Variants in BTBD9 observed in about 807,000 individuals in gnomAD.
BTBD9 encodes the protein BTB/POZ domain-containing protein 9.
In BTBD9, 49 loss-of-function variants were observed where a neutral mutation model predicts 64.3. The observed-to-expected ratio is 0.76, with a 90% CI of 0.61 to 0.97. The LOEUF is 0.97. Among genes scored for constraint, BTBD9 ranks in the 50% least tolerant of loss-of-function variants. The pLI is 0.00. For missense variants in BTBD9, 598 were observed against 762.1 expected (o/e 0.78, Z 2.53); for synonymous variants, 260 against 274.7 (o/e 0.95, Z 0.53).
intron 8 of BTBD9, among the ~76,000 whole-genome samples, chr6:38,284,822 T>C (rs1277587219): frequency 1.3e-5 from 2 of 151,570 alleles, no homozygotes; most frequent in African/African-American, 2.4e-5. Flanking sequence ...AAAGGGGGAA[T>C]AAAAAAAGAG....
intron 6 of BTBD9, among the ~76,000 whole-genome samples, chr6:38,354,917 AAGAGAGAG>A (rs150257577): frequency 6.7e-6 from 1 of 148,624 alleles, no homozygotes; most frequent in Non-Finnish European, 1.5e-5. Context: ...GACAGAGAGA[AAGAGAGAG>A]AGAGAGAGAG....
chr6:38,257,242 T>G (rs1764623653), intron 8 of BTBD9, among the ~76,000 whole-genome samples: 1 of 151,606 alleles, frequency 6.6e-6, no homozygotes, highest in Non-Finnish European at 1.5e-5. Context: ...TTCACCCTGC[T>G]GCCCAGACTG....
intron 6 of BTBD9, among the ~76,000 whole-genome samples, chr6:38,483,082 C>A (rs1297970138): frequency 6.6e-6 from 1 of 152,064 alleles, no homozygotes; most frequent in Non-Finnish European, 1.5e-5. Flanking sequence ...CCAGTCCACA[C>A]ACACACATAC....
Position 38,577,706 on chromosome 6 carries a change from A to C in BTBD9, c.1048T>G (p.Phe350Val). 1 of 1,608,120 alleles carries C rather than the reference A, an allele frequency of 6.2e-7. No individual in the cohort carries two copies. The highest frequency in any genetic ancestry group is 8.5e-7 in the Non-Finnish European group (1 of 1,179,238). The change falls in exon 6 of 11, where the codon TTC (phenylalanine) becomes GTC (valine). Residue 350 changes from phenylalanine (F) to valine (V), a missense_variant. Physicochemically the swap from Phe to Val is conservative, Grantham distance 50. Coordinates refer to ENST00000481247, the MANE Select transcript of BTBD9 (RefSeq NM_001099272.2). Reference protein sequence around the residue: ...WDRDSRSYSYFIEVSMDELDW... With the variant: ...WDRDSRSYSYVIEVSMDELDW... ...AGTTCATCCATTGACACTTCAATGAAGTATGAGTAAGACCTGTGAATCAAA... is the reference window on the plus strand; with the variant it reads ...AGTTCATCCATTGACACTTCAATGACGTATGAGTAAGACCTGTGAATCAAA...
At chr6:38,485,385 G>A (rs1033873932) in intron 6 of BTBD9, among the ~76,000 whole-genome samples, 3 of 152,184 alleles carry the variant, frequency 2.0e-5, no homozygotes, top group African/African-American at 7.2e-5. Context: ...GCCATCAAAG[G>A]AATCACTATC....
intron 10 of BTBD9, among the ~76,000 whole-genome samples, chr6:38,180,433 G>A (rs1281092479): frequency 6.6e-6 from 1 of 152,198 alleles, no homozygotes; most frequent in Non-Finnish European, 1.5e-5. Flanking sequence ...CCATGGTAGG[G>A]GGGAAATCTG....
intron 6 of BTBD9, among the ~76,000 whole-genome samples, chr6:38,558,588 T>A (rs978228431): frequency 7.9e-5 from 12 of 152,108 alleles, no homozygotes; most frequent in African/African-American, 2.7e-4. Context: ...TAGTTTGAGG[T>A]TTTTTATCAT....
At chr6:38,377,028 T>C (rs1765718559) in intron 6 of BTBD9, among the ~76,000 whole-genome samples, 1 of 152,190 alleles carries the variant, frequency 6.6e-6, no homozygotes, top group South Asian at 2.1e-4. Flanking sequence ...CTAAACCAAT[T>C]GTTTTAGTTG....
intron 9 of BTBD9, among the ~76,000 whole-genome samples, chr6:38,197,690 C>G (rs1040142404): frequency 4.6e-5 from 7 of 152,214 alleles, no homozygotes; most frequent in Admixed American, 3.3e-4. Context: ...TTGGCTATTA[C>G]TCTCACATCT....
At chr6:38,433,155 T>C (rs1263035436) in intron 6 of BTBD9, among the ~76,000 whole-genome samples, 1 of 151,964 alleles carries the variant, frequency 6.6e-6, no homozygotes, top group African/African-American at 2.4e-5. Context: ...GTATACCAAG[T>C]TCATTCCATC....
intron 10 of BTBD9, among the ~76,000 whole-genome samples, chr6:38,185,560 G>A (rs1761780177): frequency 6.6e-6 from 1 of 152,146 alleles, no homozygotes; most frequent in Non-Finnish European, 1.5e-5. Context: ...GTACAAATTA[G>A]TTAACGTCTC....
rs950737212 is a variant in BTBD9 at position 38,187,730 on chromosome 6, C to CTTT, written c.1641+4786_1641+4788dup. On this transcript the variant is annotated intron_variant, in intron 10 of 10. Coordinates refer to ENST00000481247, the MANE Select transcript of BTBD9 (RefSeq NM_001099272.2). ...GGGTCACAGAAGGAAGTGGTGGAGT[C>CTTT]TTTAACAGGTAAGCATTGGGGGAAT... Among the ~76,000 whole-genome samples, 6 of 152,246 alleles carry CTTT rather than the reference C, an allele frequency of 3.9e-5. No homozygotes were observed. In the East Asian group the frequency reaches 1.2e-3, roughly 29 times the overall value.
intron 9 of BTBD9, among the ~76,000 whole-genome samples, chr6:38,194,803 G>GTCTGGGC (rs1022387138): frequency 1.2e-4 from 18 of 152,160 alleles, no homozygotes; most frequent in African/African-American, 3.6e-4. Flanking sequence ...CCCTACGTCA[G>GTCTGGGC]TCTGGGCTCT....
chr6:38,182,585 G>A (rs1761608785), intron 10 of BTBD9, among the ~76,000 whole-genome samples: 1 of 152,202 alleles, frequency 6.6e-6, no homozygotes, highest in South Asian at 2.1e-4. Flanking sequence ...TGGCCCATGT[G>A]TCTCCAGCTG....
chr6:38,548,489 TTTTTCC>T (rs1477347056), intron 6 of BTBD9, among the ~76,000 whole-genome samples: 2 of 152,220 alleles, frequency 1.3e-5, no homozygotes, highest in Non-Finnish European at 2.9e-5. Flanking sequence ...TTTCAAGTCA[TTTTTCC>T]TTTTCCTTTA....
rs1320266877 is a variant in BTBD9 at position 38,580,382 on chromosome 6, C to G, written c.870G>C (p.Glu290Asp). Residue 290 changes from glutamate to aspartate, a missense_variant, in exon 5 of 11, where the codon GAG becomes GAC. Transcript: ENST00000481247. ...MKYGAQVVKG[E>D]LKSALLDGDT... ...CACCATCTAATAAGGCTGATTTCAG[C>G]TCCCCCTTTACAACTTGGGCTCCAT... 6.2e-7 allele frequency: 1 copy of G among 1,614,082 alleles called. No homozygotes were observed. The highest frequency in any genetic ancestry group is 2.2e-5 in the East Asian group (1 of 44,902).
chr6:38,288,584 A>G (rs1166618679), intron 7 of BTBD9, 123 bp from the exon 8 acceptor site: 4 of 758,620 alleles, frequency 5.3e-6, no homozygotes, highest in South Asian at 1.9e-5. Context: ...AAATTAGAAC[A>G]TCTGGATTAT....
chr6:38,431,486 A>G (rs1034955664), intron 6 of BTBD9, among the ~76,000 whole-genome samples: 1 of 152,238 alleles, frequency 6.6e-6, no homozygotes, highest in African/African-American at 2.4e-5. Context: ...AATAAATGCC[A>G]GAACCATGCA....
chr6:38,512,905 TAAG>T (rs1386266836), intron 6 of BTBD9, among the ~76,000 whole-genome samples: 2 of 152,184 alleles, frequency 1.3e-5, no homozygotes, highest in Admixed American at 6.5e-5. Flanking sequence ...AATGAGGTGT[TAAG>T]ATGATGTATA....
Sources: gnomAD v4.1 joint callset for allele counts (sites outside exome capture counted in the v4.1 genomes callset) on GRCh38, gnomAD v4.1.1 for gene constraint, MANE v1.5 for transcripts, NCBI Gene and HGNC (gene_info 2026-07-23, HGNC 2026-07-21) for gene names.